The following CTNNA3 variants were observed in gnomAD, a reference collection of about 807,000 sequenced individuals.
CTNNA3 encodes catenin alpha 3, also known as catenin alpha-3.
In CTNNA3, 76 loss-of-function variants were observed where a neutral mutation model predicts 95.7. That is an observed-to-expected ratio of 0.79 (90% confidence interval 0.66 to 0.96). The LOEUF (loss-of-function observed/expected upper bound fraction) is 0.96. Among genes scored for constraint, CTNNA3 ranks in the 40% least tolerant of loss-of-function variants. The pLI is 0.00. For synonymous variants in CTNNA3, 431 were observed against 374.4 expected, an observed-to-expected ratio of 1.15 and a Z score of -1.74; for missense variants, 1,191 against 1,089.8, an observed-to-expected ratio of 1.09 and a Z score of -1.31.
intron 17 of CTNNA3, among the ~76,000 whole-genome samples, chr10:65,953,690 C>G (rs1196859129): frequency 1.3e-5 from 2 of 152,190 alleles, no homozygotes; most frequent in African/African-American, 2.4e-5. Flanking sequence ...CAAGCTTCAT[C>G]CATGTCCCTA....
intron 7 of CTNNA3, among the ~76,000 whole-genome samples, chr10:67,151,553 T>C (rs1861090190): frequency 6.6e-6 from 1 of 152,164 alleles, no homozygotes; most frequent in Admixed American, 6.5e-5. Flanking sequence ...ATCAGTAATA[T>C]TGTGTATCCC....
intron 5 of CTNNA3, among the ~76,000 whole-genome samples, chr10:67,367,305 T>C (rs1288411649): frequency 6.6e-6 from 1 of 151,800 alleles, no homozygotes; most frequent in Non-Finnish European, 1.5e-5. Context: ...AAAGAAGACA[T>C]ACAAGTGGCC....
intron 9 of CTNNA3, among the ~76,000 whole-genome samples, chr10:66,722,377 CAA>C (rs34164580): frequency 3.0e-3 from 411 of 137,234 alleles, no homozygotes; most frequent in Admixed American, 3.1e-3. Flanking sequence ...GACCCTGTCT[CAA>C]AAAAAAAAAA....
intron 7 of CTNNA3, among the ~76,000 whole-genome samples, chr10:66,845,742 G>A (rs12783345): frequency 4.1e-5 from 3 of 73,572 alleles, no homozygotes; most frequent in Non-Finnish European, 7.8e-5. Flanking sequence ...AAAAAGGTGA[G>A]ATATATATAC....
chr10:66,949,820 CAT>C (rs34576564), intron 7 of CTNNA3, among the ~76,000 whole-genome samples: 25,565 of 152,090 alleles, frequency 0.17, 2,241 homozygotes, highest in Non-Finnish European at 0.18. Flanking sequence ...AGCTTTCTCA[CAT>C]GTTTTGTGAT....
intron 17 of CTNNA3, among the ~76,000 whole-genome samples, chr10:65,942,159 A>G (rs943736570): frequency 6.6e-6 from 1 of 152,208 alleles, no homozygotes; most frequent in East Asian, 1.9e-4. Flanking sequence ...TCATTAAAAT[A>G]ACATTTAGGG....
chr10:67,320,079 C>A (rs1841245425), intron 5 of CTNNA3, among the ~76,000 whole-genome samples: 2 of 152,052 alleles, frequency 1.3e-5, no homozygotes, highest in African/African-American at 4.8e-5. Flanking sequence ...AAAACCCTGG[C>A]TACACATGAG....
chr10:67,704,324 T>C (rs998583975), intron 1 of CTNNA3, among the ~76,000 whole-genome samples: 1 of 152,160 alleles, frequency 6.6e-6, no homozygotes, highest in Non-Finnish European at 1.5e-5. Flanking sequence ...ACCAAGTCAA[T>C]CTTAAGCCAA....
At chr10:66,172,901 T>A (rs2085505602) in intron 13 of CTNNA3, among the ~76,000 whole-genome samples, 1 of 152,158 alleles carries the variant, frequency 6.6e-6, no homozygotes, top group South Asian at 2.1e-4. Flanking sequence ...AACAAGGCAT[T>A]ATAATAGCTG....
At chr10:66,945,572 A>T (rs1220373983) in intron 7 of CTNNA3, among the ~76,000 whole-genome samples, 1 of 152,154 alleles carries the variant, frequency 6.6e-6, no homozygotes, top group Non-Finnish European at 1.5e-5. Context: ...CTTATCATTC[A>T]TGTGTTCACT....
intron 13 of CTNNA3, among the ~76,000 whole-genome samples, chr10:66,188,109 G>A (rs1405959570): frequency 6.6e-6 from 1 of 151,970 alleles, no homozygotes; most frequent in African/African-American, 2.4e-5. Context: ...TTAACTAGAG[G>A]TGCCCCAAAC....
At chr10:66,549,596 T>A (rs968219195) in intron 10 of CTNNA3, among the ~76,000 whole-genome samples, 8 of 152,164 alleles carry the variant, frequency 5.3e-5, no homozygotes, top group Admixed American at 3.9e-4. Context: ...ATTGTTCTCC[T>A]TTTCTTATAT....
At chr10:66,420,593 G>T (rs112189630) in intron 11 of CTNNA3, among the ~76,000 whole-genome samples, 17,742 of 151,832 alleles carry the variant, frequency 0.12, 1,507 homozygotes, top group African/African-American at 0.24. Flanking sequence ...GAGGTCAGGA[G>T]ATTGAGACCA....
At chr10:66,003,313 T>C (rs996092249) in intron 15 of CTNNA3, among the ~76,000 whole-genome samples, 11 of 148,422 alleles carry the variant, frequency 7.4e-5, no homozygotes, top group African/African-American at 2.2e-4. Flanking sequence ...CTGGTGGCGG[T>C]GGTGGTGGTG....
intron 3 of CTNNA3, among the ~76,000 whole-genome samples, chr10:67,585,838 AT>A (rs1589456330): frequency 6.6e-6 from 1 of 151,022 alleles, no homozygotes; most frequent in Non-Finnish European, 1.5e-5. Context: ...TTCTACTCTG[AT>A]TTTTGTTATT....
chr10:66,297,164 G>A (rs1187276491), intron 12 of CTNNA3, among the ~76,000 whole-genome samples: 2 of 152,024 alleles, frequency 1.3e-5, no homozygotes, highest in African/African-American at 4.8e-5. Flanking sequence ...AGTAGATGTG[G>A]GGGGTTGGAA....
chr10:67,026,387 T>C (rs1021690317), intron 7 of CTNNA3, among the ~76,000 whole-genome samples: 8 of 151,992 alleles, frequency 5.3e-5, no homozygotes, highest in Non-Finnish European at 8.8e-5. Flanking sequence ...GTAAATATTT[T>C]TATATTTGTA....
chr10:66,343,666 C>T (rs911770545), intron 12 of CTNNA3, among the ~76,000 whole-genome samples: 1 of 151,934 alleles, frequency 6.6e-6, no homozygotes, highest in Non-Finnish European at 1.5e-5. Context: ...CTCTATACCA[C>T]TCTAGGATGA....
At chr10:66,928,481 T>C (rs533664558) in intron 7 of CTNNA3, 9 of 1,548,400 alleles carry the variant, frequency 5.8e-6, no homozygotes, top group Non-Finnish European at 7.8e-6. Context: ...AAAAGAGCTC[T>C]TAAAAGCTGG....
Sources: allele counts gnomAD v4.1 joint callset (sites outside exome capture counted in the v4.1 genomes callset), GRCh38; gene constraint gnomAD v4.1.1; transcripts MANE v1.5; gene names NCBI Gene and HGNC (gene_info 2026-07-23, HGNC 2026-07-21).